NAV3: variants seen among roughly 807,000 people sequenced by gnomAD.
NAV3 encodes neuron navigator 3.
NAV3 carries 87 observed loss-of-function variants against 244.7 expected under a neutral mutation model. The ratio of observed to expected loss-of-function variants is 0.36; its 90% CI spans 0.30 to 0.42. NAV3 has a LOEUF of 0.42. Among genes scored for constraint, NAV3 ranks in the 20% least tolerant of loss-of-function variants. The pLI is 1.00. For missense variants in NAV3, 2,663 were observed against 2,893.3 expected, an observed-to-expected ratio of 0.92 and a Z score of 1.83; for synonymous variants, 1,126 against 1,042.2, an observed-to-expected ratio of 1.08 and a Z score of -1.55.
intron 1 of NAV3, among the ~76,000 whole-genome samples, chr12:77,844,072 T>G (rs553333065): frequency 2.0e-5 from 3 of 152,320 alleles, no homozygotes; most frequent in African/African-American, 7.2e-5. Flanking sequence ...CTTTAATCAG[T>G]GCATTTGTGC....
rs1744857224 is a variant in NAV3, at chr12:78,050,954, G to C, written c.2323G>C (p.Asp775His). The C allele has an allele frequency of 6.2e-7, 1 of 1,614,050 alleles. No individual in the cohort carries two copies. Among genetic ancestry groups the C allele is most frequent in the Non-Finnish European group, 8.5e-7 (1 of 1,180,010 alleles). ...RSGTSRFIHT[D>H]PSRFMYTTPL... ...TGGTACCAGTCGATTCATCCACACA[G>C]ACCCCTCGAGGTTCATGTATACCAC... is the stretch of plus-strand genomic sequence containing the variant. Residue 775 changes from aspartate (D) to histidine (H), a missense_variant, in exon 11 of 40, where the codon GAC (aspartate) becomes CAC (histidine). Coordinates refer to ENST00000397909, the MANE Select transcript of NAV3 (RefSeq NM_001024383.2).
At chr12:77,741,143 A>AG (rs1271420011) in intron 2 of NAV3, among the ~76,000 whole-genome samples, 3 of 138,398 alleles carry the variant, frequency 2.2e-5, no homozygotes, top group East Asian at 4.6e-4. Flanking sequence ...AAGAAAAAAA[A>AG]AAGACAAAAA....
intron 38 of NAV3, among the ~76,000 whole-genome samples, chr12:78,203,553 G>A (rs1218704042): frequency 3.3e-5 from 5 of 152,086 alleles, no homozygotes; most frequent in African/African-American, 1.2e-4. Context: ...AACTTCTCCA[G>A]AAGAAACTCA....
At chr12:77,651,031 A>G (rs1038809750) in intron 2 of NAV3, among the ~76,000 whole-genome samples, 1 of 152,146 alleles carries the variant, frequency 6.6e-6, no homozygotes. Context: ...CTCAGTTATT[A>G]AAACTGGCTG....
At chr12:78,077,849 A>T (rs1953129412) in intron 12 of NAV3, among the ~76,000 whole-genome samples, 1 of 152,170 alleles carries the variant, frequency 6.6e-6, no homozygotes, top group Non-Finnish European at 1.5e-5. Context: ...GAGGCAGGAG[A>T]ATCGCTTGAA....
At chr12:77,692,242 T>C (rs1355190375) in intron 2 of NAV3, among the ~76,000 whole-genome samples, 5 of 152,100 alleles carry the variant, frequency 3.3e-5, no homozygotes, top group Admixed American at 6.6e-5. Context: ...ACAATGACTA[T>C]ATTTTAATGT....
At chr12:77,718,117 A>ATT (rs1876444416) in intron 2 of NAV3, among the ~76,000 whole-genome samples, 1 of 152,022 alleles carries the variant, frequency 6.6e-6, no homozygotes, top group African/African-American at 2.4e-5. Context: ...TTTGTATCTT[A>ATT]TGCTTTTTGT....
At chr12:78,034,726 C>A (rs898218647) in intron 9 of NAV3, among the ~76,000 whole-genome samples, 9 of 152,050 alleles carry the variant, frequency 5.9e-5, no homozygotes, top group Admixed American at 5.9e-4. Context: ...TCACTATGGT[C>A]TCAGGACTTG....
intron 2 of NAV3, among the ~76,000 whole-genome samples, chr12:77,678,928 T>G (rs1202342484): frequency 6.6e-6 from 1 of 152,178 alleles, no homozygotes; most frequent in Non-Finnish European, 1.5e-5. Context: ...AGAAACTTTA[T>G]GATTAAGTAT....
intron 2 of NAV3, among the ~76,000 whole-genome samples, chr12:77,742,402 C>T (rs1868353325): frequency 6.6e-6 from 1 of 152,106 alleles, no homozygotes; most frequent in Non-Finnish European, 1.5e-5. Flanking sequence ...TTGAACTGTG[C>T]AGGTCCACTT....
chr12:78,148,399 A>C (rs926534797), intron 21 of NAV3, among the ~76,000 whole-genome samples: 2 of 152,112 alleles, frequency 1.3e-5, no homozygotes, highest in Admixed American at 1.3e-4. Context: ...TAAAATGTAC[A>C]GAGGAAAAAA....
intron 2 of NAV3, among the ~76,000 whole-genome samples, chr12:77,667,593 A>T (rs1306576601): frequency 6.6e-6 from 1 of 152,040 alleles, no homozygotes; most frequent in East Asian, 1.9e-4. Context: ...CAGTAGTCAC[A>T]CGGCAAGCCT....
intron 1 of NAV3, among the ~76,000 whole-genome samples, chr12:77,914,770 G>A (rs530705993): frequency 2.0e-5 from 3 of 151,070 alleles, no homozygotes; most frequent in Non-Finnish European, 4.4e-5. Context: ...TCAGTAAACA[G>A]ATATCTTAAG....
intron 11 of NAV3, among the ~76,000 whole-genome samples, chr12:78,053,060 A>C (rs1882989432): frequency 6.6e-6 from 1 of 151,714 alleles, no homozygotes; most frequent in Admixed American, 6.6e-5. Context: ...CTCTACTAAA[A>C]AAGTTAGCCA....
chr12:77,837,397 A>C lies in NAV3; in HGVS notation c.243+5693A>C, dbSNP rs1371367213. Among the ~76,000 whole-genome samples the C allele has an allele frequency of 2.0e-5, 3 of 152,140 alleles. No individual in the cohort carries two copies. In the East Asian group the frequency reaches 5.8e-4, roughly 29 times the overall value. On this transcript the variant is annotated intron_variant, in intron 1 of 39. Transcript: ENST00000397909. The stretch of plus-strand genomic sequence containing the variant: ...CTGGTAATGATATTTAGGAGAAATC[A>C]TTGCAGACAGGTCTAATATTAACCA...
intron 11 of NAV3, among the ~76,000 whole-genome samples, chr12:78,055,144 G>A (rs78146189): frequency 0.024 from 3,671 of 152,168 alleles, 142 homozygotes; most frequent in African/African-American, 0.082. Flanking sequence ...GACATAGTAC[G>A]TGCCCACATG....
chr12:78,074,693 A>T (rs982829405), intron 12 of NAV3, among the ~76,000 whole-genome samples: 6 of 152,160 alleles, frequency 3.9e-5, no homozygotes, highest in Non-Finnish European at 8.8e-5. Context: ...GACAAGAGCA[A>T]AACTCTGTCT....
chr12:77,654,267 C>T (rs542927290), intron 2 of NAV3, among the ~76,000 whole-genome samples: 62 of 152,370 alleles, frequency 4.1e-4, no homozygotes, highest in African/African-American at 1.4e-3. Context: ...TGCGCTTTTC[C>T]GACGGGCTTA....
rs980705784 is a variant in NAV3 at position 78,176,574 on chromosome 12, A to T, written c.5124+115A>T. On this transcript the variant is annotated intron_variant, in intron 26 of 39. Transcript: ENST00000397909. ...TACCTTTTAAAACAGATTACCTTGTATGTCTTTTCTTTGTGTCTTTTCATT... is the reference window on the plus strand; with the variant it reads ...TACCTTTTAAAACAGATTACCTTGTTTGTCTTTTCTTTGTGTCTTTTCATT... The T allele has an allele frequency of 7.5e-6, 7 of 933,024 alleles. No individual in the cohort carries two copies. The African/African-American group carries it at 1.2e-4, about 16-fold the overall frequency. 57.8% of individuals were successfully genotyped at this position (933,024 alleles called of 1,614,324 possible). A position where few individuals can be genotyped will look rare whatever the true frequency, so the allele number is the denominator to read the frequency against.
Sources: gnomAD v4.1 joint callset for allele counts (sites outside exome capture counted in the v4.1 genomes callset) on GRCh38, gnomAD v4.1.1 for gene constraint, MANE v1.5 for transcripts, NCBI Gene and HGNC (gene_info 2026-07-23, HGNC 2026-07-21) for gene names.